Variants in TOPAZ1 observed in about 807,000 individuals in gnomAD.
The protein encoded by TOPAZ1 is protein TOPAZ1.
TOPAZ1 carries 66 observed loss-of-function variants against 172.2 expected under a neutral mutation model. The ratio of observed to expected loss-of-function variants is 0.38; its 90% CI spans 0.31 to 0.47. TOPAZ1 has a LOEUF of 0.47. TOPAZ1 is among the 20% of genes least tolerant of loss of function. The pLI is 0.99. For missense variants in TOPAZ1, 1,822 were observed against 1,972.4 expected (o/e 0.92, Z 1.44); for synonymous variants, 681 against 683.9 (o/e 1.00, Z 0.07).
intron 12 of TOPAZ1, among the ~76,000 whole-genome samples, chr3:44,302,132 TGGGC>T (rs2125698696): frequency 6.6e-6 from 1 of 152,306 alleles, no homozygotes; most frequent in South Asian, 2.1e-4. Context: ...CCATCTTGGC[TGGGC>T]GTGGTGGCTC....
chr3:44,298,929 T>TTTTTTTTG (rs1559541961), intron 12 of TOPAZ1, among the ~76,000 whole-genome samples: 2 of 52,530 alleles, frequency 3.8e-5, no homozygotes, highest in African/African-American at 1.3e-4. Flanking sequence ...TTTTTTTTTT[T>TTTTTTTTG]TTTTTCCCCC....
chr3:44,305,115 C>T, intron 13 of TOPAZ1, 32 bp from the exon 14 acceptor site: 1 of 1,427,308 alleles, frequency 7.0e-7, no homozygotes, highest in Non-Finnish European at 9.4e-7. Context: ...CATTCTTTTT[C>T]TTTTTTGTTT....
intron 16 of TOPAZ1, among the ~76,000 whole-genome samples, chr3:44,319,030 C>T (rs1238011829): frequency 6.6e-6 from 1 of 151,990 alleles, no homozygotes; most frequent in Admixed American, 6.6e-5. Flanking sequence ...CACAGCTCGG[C>T]CCACAACCTG....
intron 14 of TOPAZ1, 59 bp from the exon 15 acceptor site, chr3:44,306,267 C>A: frequency 8.9e-7 from 1 of 1,117,956 alleles, no homozygotes; most frequent in Non-Finnish European, 1.3e-6. Context: ...ATTAGTTTGC[C>A]TCTTCCATCA....
chr3:44,273,385 A>G lies in TOPAZ1; in HGVS notation c.3372+2575A>G, dbSNP rs535191986. On this transcript the variant is annotated intron_variant, in intron 8 of 19. Transcript: ENST00000309765. ...TCTGCTAAAATAAGAACTCTCTAATATAGCAAGAGCCAGAGTTTCTTACAT... is the reference window on the plus strand; with the variant it reads ...TCTGCTAAAATAAGAACTCTCTAATGTAGCAAGAGCCAGAGTTTCTTACAT... 1.3e-4 allele frequency among the ~76,000 whole-genome samples: 20 copies of G among 152,318 alleles called. No individual in the cohort carries two copies. The South Asian group carries it at 4.1e-3, about 32-fold the overall frequency.
At chr3:44,248,704 C>A (rs1315972136) in intron 2 of TOPAZ1, among the ~76,000 whole-genome samples, 2 of 152,168 alleles carry the variant, frequency 1.3e-5, no homozygotes, top group Admixed American at 1.3e-4. Context: ...TTTCTCCCTT[C>A]TAAGACACTG....
rs1178180315 is a variant in TOPAZ1, at chr3:44,321,066, A to G, written c.4346A>G (p.Asp1449Gly). Reference sequence around the variant, plus strand: ...ATCAATACGCCTCTGTGGCCTTGTGATAGACTGGATGTGCTTAATCGACAT... The same window carrying G: ...ATCAATACGCCTCTGTGGCCTTGTGGTAGACTGGATGTGCTTAATCGACAT... ...WIINTPLWPC[D>G]RLDVLNRHNL... Residue 1449 changes from aspartate (D) to glycine (G), a missense_variant, in exon 17 of 20, where the codon GAT (aspartate) becomes GGT (glycine). By Grantham distance (94) the Asp-to-Gly change is moderately conservative. Around this residue, in one of 2 missense-constraint regions of TOPAZ1, gnomAD observed 333 missense variants for 481.7 expected, o/e 0.69. Transcript: ENST00000309765. 3 of 1,549,926 alleles carry G rather than the reference A, an allele frequency of 1.9e-6. No individual in the cohort carries two copies. The highest frequency in any genetic ancestry group is 1.4e-5 in the African/African-American group (1 of 72,942).
chr3:44,255,651 C>CAAA lies in TOPAZ1; in HGVS notation c.2828-490_2828-488dup, dbSNP rs10663255. Among the ~76,000 whole-genome samples the CAAA allele has an allele frequency of 3.7e-3, 320 of 86,238 alleles. 20 individuals carry two copies. The highest frequency in any genetic ancestry group is 0.012 in the African/African-American group (283 of 23,480). The allele number at this position is 86,238 out of a possible 152,430, so 56.6% of individuals were successfully genotyped here. A position where few individuals can be genotyped will look rare whatever the true frequency, so the allele number is the denominator to read the frequency against. On this transcript the variant is annotated intron_variant, in intron 3 of 19. Transcript: ENST00000309765. The stretch of plus-strand genomic sequence containing the variant: ...TGGGCAACAGTGCGAGACTCTGTCT[C>CAAA]AAAAAAAAAAAATATATATACACAC...
intron 19 of TOPAZ1, 63 bp from the exon 20 acceptor site, chr3:44,331,729 C>A: frequency 8.1e-7 from 1 of 1,237,394 alleles, no homozygotes; most frequent in Non-Finnish European, 1.2e-6. Flanking sequence ...AAATGACTAT[C>A]TTTTGAAGAA....
chr3:44,320,378 A>G (rs1246388805), intron 16 of TOPAZ1, among the ~76,000 whole-genome samples: 2 of 152,196 alleles, frequency 1.3e-5, no homozygotes, highest in African/African-American at 4.8e-5. Flanking sequence ...TGGGCCAATC[A>G]CAAGGTCAAG....
rs1559522406 is a variant in TOPAZ1, at chr3:44,244,215, ATTGT to A, written c.1714_1717del (p.Ser573GlnfsTer5). 4 of 1,549,798 alleles carry A rather than the reference ATTGT, an allele frequency of 2.6e-6. No individual in the cohort carries two copies. Among genetic ancestry groups the A allele is most frequent in the Non-Finnish European group, 2.6e-6 (3 of 1,146,052 alleles). ...AAAGAAAAATTAGATTCTAATTCTA[ATTGT>A]TTGTCTTCAGTTTCTGCAGTAGAAC... is the stretch of plus-strand genomic sequence containing the variant. On this transcript the variant is annotated frameshift_variant, in exon 2 of 20. Coordinates refer to ENST00000309765, the MANE Select transcript of TOPAZ1 (RefSeq NM_001145030.2). LOFTEE classifies it high-confidence loss of function.
At chr3:44,312,443 A>AT (rs1010740594) in intron 16 of TOPAZ1, among the ~76,000 whole-genome samples, 12 of 152,252 alleles carry the variant, frequency 7.9e-5, no homozygotes, top group Admixed American at 3.9e-4. Context: ...TTTTACATAT[A>AT]TTTTTCCTTT....
rs140258881 is a variant in TOPAZ1, at chr3:44,282,335, G to A, written c.3436+304G>A. ...TAACTCTATCTAAAGGGATTTTTCA[G>A]AAGCTGACTCTTTCCTACTTCTTCA... On this transcript the variant is annotated intron_variant, in intron 9 of 19. Transcript: ENST00000309765. Among the ~76,000 whole-genome samples the A allele has an allele frequency of 6.2e-3, 942 of 152,246 alleles. 9 individuals carry two copies. Among genetic ancestry groups the A allele is most frequent in the African/African-American group, 0.021 (878 of 41,532 alleles).
intron 16 of TOPAZ1, among the ~76,000 whole-genome samples, chr3:44,317,142 T>C (rs4682966): frequency 0.84 from 127,291 of 152,216 alleles, 53,307 homozygotes; most frequent in Middle Eastern, 0.92. Context: ...ATACCTTGGC[T>C]GGGCTTGGTG....
At chr3:44,284,684 A>T (rs1486167873) in intron 9 of TOPAZ1, among the ~76,000 whole-genome samples, 1 of 152,194 alleles carries the variant, frequency 6.6e-6, no homozygotes, top group African/African-American at 2.4e-5. Flanking sequence ...TTGAATTTCC[A>T]CATAAAATTT....
intron 16 of TOPAZ1, among the ~76,000 whole-genome samples, chr3:44,313,178 C>G (rs1467382685): frequency 6.6e-6 from 1 of 152,158 alleles, no homozygotes; most frequent in African/African-American, 2.4e-5. Context: ...TGCTAAACGT[C>G]ACCGCTAAAT....
At chr3:44,276,769 T>C (rs536962011) in intron 8 of TOPAZ1, among the ~76,000 whole-genome samples, 8 of 151,646 alleles carry the variant, frequency 5.3e-5, no homozygotes, top group Non-Finnish European at 7.4e-5. Context: ...ATTGAATCTG[T>C]AGATTGCTTT....
At chr3:44,257,466 TATAGTGTG>T (rs1165268732) in intron 4 of TOPAZ1, among the ~76,000 whole-genome samples, 1 of 77,266 alleles carries the variant, frequency 1.3e-5, no homozygotes, top group Non-Finnish European at 2.5e-5. Context: ...TATATATATA[TATAGTGTG>T]TGTGTGTGTG....
Position 44,269,287 on chromosome 3 carries a change from G to GA in TOPAZ1, c.3239dup (p.Asn1080LysfsTer16). ...TGAAACTTGTGAAATATTCAAGAGG[G>GA]AAAAAAATGTGGGGGTAAGTCTACT... On this transcript the variant is annotated frameshift_variant, in exon 7 of 20. Coordinates refer to ENST00000309765, the MANE Select transcript of TOPAZ1 (RefSeq NM_001145030.2). LOFTEE classifies it high-confidence loss of function. 1 of 1,543,438 alleles carries GA rather than the reference G, an allele frequency of 6.5e-7. No individual in the cohort carries two copies. The highest frequency in any genetic ancestry group is 8.8e-7 in the Non-Finnish European group (1 of 1,140,476).
Sources: gnomAD v4.1 joint callset for allele counts (sites outside exome capture counted in the v4.1 genomes callset) on GRCh38, gnomAD v4.1.1 for gene constraint, gnomAD v4.1.1 regional missense constraint, MANE v1.5 for transcripts, NCBI Gene and HGNC (gene_info 2026-07-23, HGNC 2026-07-21) for gene names.